The following GNB1 variants were observed in gnomAD, a reference collection of about 807,000 sequenced individuals.
The protein encoded by GNB1 is guanine nucleotide-binding protein G(I)/G(S)/G(T) subunit beta-1.
GNB1 carries 2 observed loss-of-function variants against 42.9 expected under a neutral mutation model. The observed-to-expected ratio is 0.05, with a 90% confidence interval of 0.02 to 0.15. The LOEUF (loss-of-function observed/expected upper bound fraction) is 0.15, where lower values mean the gene tolerates loss of function less well. Ranked by LOEUF, GNB1 falls within the 10% of genes least tolerant of loss-of-function variation. The probability of loss-of-function intolerance (pLI) is 1.00; values close to 1 mark genes in which losing one functional copy is unlikely to be tolerated. For synonymous variants in GNB1, 183 were observed against 174.7 expected (o/e 1.05, Z -0.38); for missense variants, 193 against 462.2 (o/e 0.42, Z 5.34).
At chr1:1,804,368 C>T (rs370952335) in intron 7 of GNB1, 51 bp downstream of exon 7, 2 of 1,251,372 alleles carry the variant, frequency 1.6e-6, no homozygotes, top group Admixed American at 3.4e-5. Flanking sequence ...ATATAATGTA[C>T]CCCAGGTAAA....
At chr1:1,864,651 T>A (rs1648823145) in intron 1 of GNB1, among the ~76,000 whole-genome samples, 1 of 152,118 alleles carries the variant, frequency 6.6e-6, no homozygotes, top group South Asian at 2.1e-4. Context: ...TCAAACTATA[T>A]AATCTTGCCT....
intron 1 of GNB1, among the ~76,000 whole-genome samples, chr1:1,855,181 T>G (rs1229292894): frequency 7.7e-5 from 10 of 130,660 alleles, no homozygotes; most frequent in African/African-American, 1.2e-4. Context: ...AACAGCTGAG[T>G]GTGGTGGTGG....
At chr1:1,868,391 G>A (rs1396391848) in intron 1 of GNB1, among the ~76,000 whole-genome samples, 2 of 152,122 alleles carry the variant, frequency 1.3e-5, no homozygotes, top group Admixed American at 6.5e-5. Context: ...TGGCCAGGCT[G>A]GTCTCAAACT....
intron 3 of GNB1, among the ~76,000 whole-genome samples, chr1:1,823,185 T>C (rs750434421): frequency 7.4e-6 from 1 of 134,796 alleles, no homozygotes; most frequent in Non-Finnish European, 1.5e-5. Flanking sequence ...GAGCTTGCAG[T>C]GAGCTGAGAT....
At chr1:1,832,000 C>A (rs1264835080) in intron 2 of GNB1, among the ~76,000 whole-genome samples, 2 of 147,898 alleles carry the variant, frequency 1.4e-5, no homozygotes, top group Non-Finnish European at 3.0e-5. Flanking sequence ...GAAATTGAGG[C>A]TACAGTGAGC....
intron 1 of GNB1, among the ~76,000 whole-genome samples, chr1:1,858,340 T>G (rs1221558494): frequency 6.6e-6 from 1 of 152,214 alleles, no homozygotes; most frequent in Non-Finnish European, 1.5e-5. Context: ...AGTCCGTTTT[T>G]AACTATTTTA....
chr1:1,825,972 A>G (rs950311801), intron 2 of GNB1, among the ~76,000 whole-genome samples: 1 of 152,244 alleles, frequency 6.6e-6, no homozygotes, highest in African/African-American at 2.4e-5. Flanking sequence ...GGCCAGGTAA[A>G]TAAAATATAA....
Position 1,816,191 on chromosome 1 carries a change from C to G in GNB1, c.97-329G>C, listed in dbSNP as rs1167834524. Among the ~76,000 whole-genome samples the G allele has an allele frequency of 3.9e-5, 6 of 152,222 alleles. No homozygotes were observed. In the East Asian group the frequency reaches 1.2e-3, roughly 29 times the overall value. On this transcript the variant is annotated intron_variant, in intron 4 of 11. Transcript: ENST00000378609. ...TCCAGGACCATCTCCTCCTAGGTCTCTGAGTTCTTTGAGATCTCGCAACTC... is the reference window on the plus strand; with the variant it reads ...TCCAGGACCATCTCCTCCTAGGTCTGTGAGTTCTTTGAGATCTCGCAACTC...
chr1:1,889,767 A>G (rs923698633), intron 1 of GNB1, among the ~76,000 whole-genome samples: 2 of 152,220 alleles, frequency 1.3e-5, no homozygotes, highest in African/African-American at 4.8e-5. Context: ...AAATGTTAAA[A>G]TATCATTTGA....
Position 1,813,618 on chromosome 1 carries a change from G to A in GNB1, c.203+2138C>T, listed in dbSNP as rs551605716. Among the ~76,000 whole-genome samples the A allele has an allele frequency of 2.8e-4, 42 of 152,094 alleles. No homozygotes were observed. In the South Asian group the frequency reaches 8.7e-3, roughly 32 times the overall value. On this transcript the variant is annotated intron_variant, in intron 5 of 11. Coordinates refer to ENST00000378609, the MANE Select transcript of GNB1 (RefSeq NM_002074.5). ...TGATCCTCCCACCTCGGCCTCCTAAGTAGCTGGGACTCCAGGTGCGCACCA... is the reference window on the plus strand; with the variant it reads ...TGATCCTCCCACCTCGGCCTCCTAAATAGCTGGGACTCCAGGTGCGCACCA...
At chr1:1,794,395 T>G (rs1646520294) in intron 7 of GNB1, among the ~76,000 whole-genome samples, 1 of 152,188 alleles carries the variant, frequency 6.6e-6, no homozygotes, top group Non-Finnish European at 1.5e-5. Flanking sequence ...TGGTATTTAC[T>G]GTGGAACTAA....
chr1:1,797,189 C>T (rs1646557729), intron 7 of GNB1, among the ~76,000 whole-genome samples: 2 of 152,094 alleles, frequency 1.3e-5, no homozygotes, highest in Non-Finnish European at 2.9e-5. Flanking sequence ...ACAAGGATGG[C>T]GTTTGCTGCA....
At chr1:1,889,503 T>A (rs1380361372) in intron 1 of GNB1, among the ~76,000 whole-genome samples, 1 of 152,076 alleles carries the variant, frequency 6.6e-6, no homozygotes. Flanking sequence ...CATTTCACAA[T>A]CTTAAGAAAA....
Position 1,814,797 on chromosome 1 carries a change from CAAAAAAAAAAAAA to C in GNB1, c.203+946_203+958del, listed in dbSNP as rs66588627. On this transcript the variant is annotated intron_variant, in intron 5 of 11. Transcript: ENST00000378609. ...AGCATGACTGAGTGAGACCCTGTCT[CAAAAAAAAAAAAA>C]AAAAAAAAAAGAAAAAAAGAGGCTG... 1.3e-4 allele frequency among the ~76,000 whole-genome samples: 10 copies of C among 77,598 alleles called. No homozygotes were observed. In the South Asian group the frequency reaches 2.9e-3, roughly 23 times the overall value. The allele number at this position is 77,598 out of a possible 152,430, so 50.9% of individuals were successfully genotyped here.
At chr1:1,874,176 C>A (rs1038102443) in intron 1 of GNB1, among the ~76,000 whole-genome samples, 1 of 152,100 alleles carries the variant, frequency 6.6e-6, no homozygotes, top group African/African-American at 2.4e-5. Flanking sequence ...AGCATAAACA[C>A]AACGCGCCTC....
chr1:1,862,545 T>A (rs1648691211), intron 1 of GNB1, among the ~76,000 whole-genome samples: 1 of 152,012 alleles, frequency 6.6e-6, no homozygotes, highest in Non-Finnish European at 1.5e-5. Flanking sequence ...CACTGCAGAC[T>A]TGACCTCCTG....
chr1:1,885,008 G>A (rs1340938183), intron 1 of GNB1, among the ~76,000 whole-genome samples: 1 of 152,020 alleles, frequency 6.6e-6, no homozygotes, highest in Non-Finnish European at 1.5e-5. Context: ...ACAGGTGAAT[G>A]AATTAATACA....
At chr1:1,881,696 G>A (rs775071746) in intron 1 of GNB1, among the ~76,000 whole-genome samples, 2 of 152,122 alleles carry the variant, frequency 1.3e-5, no homozygotes, top group Admixed American at 6.6e-5. Flanking sequence ...CACTGTGCCC[G>A]GCCTCAAGGT....
intron 8 of GNB1, among the ~76,000 whole-genome samples, chr1:1,791,333 G>A (rs758599226): frequency 1.2e-4 from 18 of 152,142 alleles, no homozygotes; most frequent in Admixed American, 2.0e-4. Flanking sequence ...CACCATGCCC[G>A]GCTAATTTTG....
Sources: gnomAD v4.1 joint callset for allele counts (sites outside exome capture counted in the v4.1 genomes callset) on GRCh38, gnomAD v4.1.1 for gene constraint, MANE v1.5 for transcripts, NCBI Gene and HGNC (gene_info 2026-07-23, HGNC 2026-07-21) for gene names.